The following LRRFIP1 variants were observed in gnomAD, a reference collection of about 807,000 sequenced individuals.
LRRFIP1 encodes LRR binding FLII interacting protein 1, also known as leucine-rich repeat flightless-interacting protein 1.
Under a neutral mutation model 104.4 loss-of-function variants are expected in LRRFIP1, and 62 were observed. The observed-to-expected ratio is 0.59, with a 90% confidence interval of 0.48 to 0.73. The LOEUF is 0.73. Ranked by LOEUF, LRRFIP1 falls within the 30% of genes least tolerant of loss-of-function variation. The probability of loss-of-function intolerance (pLI) is 0.00; values close to 1 mark genes in which losing one functional copy is unlikely to be tolerated. For synonymous variants in LRRFIP1, 300 were observed against 299.0 expected (o/e 1.00, Z -0.03); for missense variants, 796 against 824.5 (o/e 0.97, Z 0.42).
Position 237,760,048 on chromosome 2 carries a change from C to CTATTT in LRRFIP1, c.1318-14_1318-10dup. On this transcript the variant is annotated splice_polypyrimidine_tract_variant and intron_variant, in intron 18 of 23. Transcript: ENST00000308482. Reference sequence around the variant, plus strand: ...TCACTGAGTAAATATTACGATGAGCCTATTTTTGTTCCCAGAAACATGGAA... The same window carrying CTATTT: ...TCACTGAGTAAATATTACGATGAGCCTATTTTATTTTTGTTCCCAGAAACATGGAA... The CTATTT allele has an allele frequency of 6.2e-7, 1 of 1,611,490 alleles. No homozygotes were observed.
At chr2:237,774,674 G>T (rs745617873) in intron 23 of LRRFIP1, among the ~76,000 whole-genome samples, 8 of 152,256 alleles carry the variant, frequency 5.3e-5, no homozygotes, top group Non-Finnish European at 8.8e-5. Context: ...GCATCAACTA[G>T]TTCATCTGTC....
In LRRFIP1 at chr2:237,763,763, G is replaced by A. The variant is rs371329433; in HGVS notation, c.1459+3558G>A. 103 of 1,614,104 alleles carry A rather than the reference G, an allele frequency of 6.4e-5. No individual in the cohort carries two copies. The East Asian group carries it at 2.0e-3, about 31-fold the overall frequency. ...CACATTAGATTTTGAGGATGACACC[G>A]TTCAATCATCAGGCCCGAGGGCTGG... On this transcript the variant is annotated intron_variant, in intron 19 of 23. Transcript: ENST00000308482.
chr2:237,742,325 G>A (rs1436817924), intron 11 of LRRFIP1, among the ~76,000 whole-genome samples: 1 of 152,184 alleles, frequency 6.6e-6, no homozygotes, highest in East Asian at 1.9e-4. Flanking sequence ...GCACGCTTAG[G>A]GAACAAAGGT....
intron 1 of LRRFIP1, among the ~76,000 whole-genome samples, chr2:237,656,228 T>G (rs1256088057): frequency 6.6e-6 from 1 of 152,222 alleles, no homozygotes; most frequent in African/African-American, 2.4e-5. Context: ...GTGCTATGTA[T>G]AGAATTTCTC....
intron 1 of LRRFIP1, chr2:237,692,514 A>G (rs2092876479): frequency 1.3e-6 from 2 of 1,530,516 alleles, no homozygotes; most frequent in South Asian, 1.2e-5. Flanking sequence ...CCGGAAGCGC[A>G]GAAGCTGGTA....
chr2:237,657,516 A>C lies in LRRFIP1; in HGVS notation c.96+29776A>C, dbSNP rs138580376. ...AAACAACAACAACAACAACAAATCA[A>C]GATCAAATGGGAAAATATCCAACCT... On this transcript the variant is annotated intron_variant, in intron 1 of 23. Coordinates refer to ENST00000308482, the MANE Select transcript of LRRFIP1 (RefSeq NM_001137550.2). 5.8e-3 allele frequency among the ~76,000 whole-genome samples: 890 copies of C among 152,312 alleles called. 5 individuals carry two copies. The highest frequency in any genetic ancestry group is 0.02 in the African/African-American group (846 of 41,566).
intron 1 of LRRFIP1, among the ~76,000 whole-genome samples, chr2:237,673,255 CCT>C (rs1302644424): frequency 1.3e-5 from 2 of 152,200 alleles, no homozygotes; most frequent in Non-Finnish European, 2.9e-5. Context: ...CCTCTGTGTC[CCT>C]GGTCTGTAGG....
At position 237,692,783 on chromosome 2, in the gene LRRFIP1, G is replaced by T. The variant is rs569752559; in HGVS notation, c.97-15761G>T. 7.2e-5 allele frequency among the ~76,000 whole-genome samples: 11 copies of T among 152,370 alleles called. No homozygotes were observed. In the East Asian group the frequency reaches 1.9e-3, roughly 27 times the overall value. ...ACGAAAAGGCACATGGTCTCTCCCC[G>T]CCCGAGGTGATGGGCTGCAGACAGG... On this transcript the variant is annotated intron_variant, in intron 1 of 23. Transcript: ENST00000308482.
At chr2:237,771,276 T>G (rs2060596469) in intron 20 of LRRFIP1, among the ~76,000 whole-genome samples, 1 of 149,746 alleles carries the variant, frequency 6.7e-6, no homozygotes, top group African/African-American at 2.5e-5. Flanking sequence ...TATCCGTGGA[T>G]TCAACCAACA....
chr2:237,673,520 T>A (rs79996022), intron 1 of LRRFIP1, among the ~76,000 whole-genome samples: 18,726 of 152,190 alleles, frequency 0.12, 1,378 homozygotes, highest in African/African-American at 0.21. Context: ...CGTGGGGTGG[T>A]TCCTCACAGT....
chr2:237,691,427 G>T lies in LRRFIP1; in HGVS notation c.97-17117G>T, dbSNP rs2092744042. Among the ~76,000 whole-genome samples, 1 of 152,188 alleles carries T rather than the reference G, an allele frequency of 6.6e-6. No homozygotes were observed. Among genetic ancestry groups the T allele is most frequent in the African/African-American group, 2.4e-5 (1 of 41,440 alleles). On this transcript the variant is annotated intron_variant, in intron 1 of 23. Coordinates refer to ENST00000308482, the MANE Select transcript of LRRFIP1 (RefSeq NM_001137550.2). This position sits in a 1 kb window ranked among gnomAD's most constrained non-coding sequence, Gnocchi z 5.4. ...ACCCCGGGTTCTGCGACGCCAGATCGGCCCCAGCGGCCCGCACCCGCACCC... is the reference window on the plus strand; with the variant it reads ...ACCCCGGGTTCTGCGACGCCAGATCTGCCCCAGCGGCCCGCACCCGCACCC...
At chr2:237,765,755 A>G (rs1410016328) in intron 19 of LRRFIP1, 16 of 956,636 alleles carry the variant, frequency 1.7e-5, no homozygotes, top group Non-Finnish European at 2.0e-5. Context: ...AAAATCACAA[A>G]GGAATGTACC....
In LRRFIP1 at chr2:237,714,293, T is replaced by A. The variant is rs764081397; in HGVS notation, c.201+17T>A. 1 of 1,595,810 alleles carries A rather than the reference T, an allele frequency of 6.3e-7. No homozygotes were observed. The highest frequency in any genetic ancestry group is 1.1e-5 in the South Asian group (1 of 89,672). The stretch of plus-strand genomic sequence containing the variant: ...GTCCAAAAGGTAGGCTCTTCTTTCT[T>A]TATTTTCTAACTTGCATGTACTGTT... On this transcript the variant is annotated intron_variant, in intron 3 of 23. Coordinates refer to ENST00000308482, the MANE Select transcript of LRRFIP1 (RefSeq NM_001137550.2).
intron 1 of LRRFIP1, among the ~76,000 whole-genome samples, chr2:237,637,713 G>A (rs1225384478): frequency 2.0e-5 from 3 of 152,104 alleles, no homozygotes; most frequent in Non-Finnish European, 4.4e-5. Flanking sequence ...TCTTGGCTTG[G>A]GGAGTGAATG....
rs555202860 is a variant in LRRFIP1 at position 237,774,941 on chromosome 2, C to G, written c.1812+479C>G. ...TTACTCCACCTGCTGGTCACACTCC[C>G]AAATTACCATGCTTGCCAATTAAAA... On this transcript the variant is annotated intron_variant, in intron 23 of 23. Coordinates refer to ENST00000308482, the MANE Select transcript of LRRFIP1 (RefSeq NM_001137550.2). Among the ~76,000 whole-genome samples the G allele has an allele frequency of 1.9e-4, 29 of 152,362 alleles. No homozygotes were observed. In the South Asian group the frequency reaches 5.0e-3, roughly 26 times the overall value.
chr2:237,761,748 G>A (rs2059894678), intron 19 of LRRFIP1, among the ~76,000 whole-genome samples: 1 of 152,070 alleles, frequency 6.6e-6, no homozygotes, highest in Admixed American at 6.5e-5. Flanking sequence ...ATTTTCCCTG[G>A]GATATGGGCA....
intron 19 of LRRFIP1, among the ~76,000 whole-genome samples, chr2:237,767,514 G>A (rs1037225669): frequency 2.0e-5 from 3 of 152,190 alleles, no homozygotes; most frequent in Non-Finnish European, 4.4e-5. Flanking sequence ...CAAAAATATA[G>A]AGGAAGATGG....
At chr2:237,739,411 G>A (rs767218413) in intron 11 of LRRFIP1, 102 bp downstream of exon 11, 86 of 1,007,172 alleles carry the variant, frequency 8.5e-5, no homozygotes, top group Admixed American at 9.6e-5. Flanking sequence ...ATTACTCTGC[G>A]GTGATATTAT....
At chr2:237,767,137 C>T (rs2060295158) in intron 19 of LRRFIP1, among the ~76,000 whole-genome samples, 1 of 152,060 alleles carries the variant, frequency 6.6e-6, no homozygotes, top group African/African-American at 2.4e-5. Flanking sequence ...GCTCACACCA[C>T]TGCATTCCAG....
Sources: gnomAD v4.1 joint callset for allele counts (sites outside exome capture counted in the v4.1 genomes callset) on GRCh38, gnomAD v4.1.1 for gene constraint, Gnocchi (gnomAD v3.1) non-coding constraint, MANE v1.5 for transcripts, NCBI Gene and HGNC (gene_info 2026-07-23, HGNC 2026-07-21) for gene names.